Variants in GLIS1 observed in about 807,000 individuals in gnomAD.
GLIS1 encodes zinc finger protein GLIS1.
A neutral mutation model predicts 63.8 loss-of-function variants in GLIS1; 24 were observed. The observed-to-expected ratio is 0.38, with a 90% CI of 0.27 to 0.53. The LOEUF (loss-of-function observed/expected upper bound fraction) is 0.53, where lower values mean the gene tolerates loss of function less well. Among genes scored for constraint, GLIS1 ranks in the 20% least tolerant of loss-of-function variants. The probability of loss-of-function intolerance (pLI) is 0.85; values close to 1 mark genes in which losing one functional copy is unlikely to be tolerated. For missense variants in GLIS1, 1,036 were observed against 1,074.1 expected (o/e 0.96, Z 0.50); for synonymous variants, 450 against 482.5 (o/e 0.93, Z 0.88).
At position 53,560,451 on chromosome 1, in the gene GLIS1, G is replaced by A. The variant is rs1035355504; in HGVS notation, c.1321-30499C>T. ...TTCCACTGGCAGACGGACAGTTCCG[G>A]TCGGGAGATATCTGGTCCACACACG... On this transcript the variant is annotated intron_variant, in intron 4 of 10. Coordinates refer to ENST00000628545, the MANE Select transcript of GLIS1 (RefSeq NM_001367484.1). The surrounding 1 kb of genome is among the most constrained non-coding windows in gnomAD (Gnocchi z 4.4). 3.3e-5 allele frequency among the ~76,000 whole-genome samples: 5 copies of A among 152,194 alleles called. No homozygotes were observed. Among genetic ancestry groups the A allele is most frequent in the Admixed American group, 6.5e-5 (1 of 15,286 alleles).
chr1:53,695,499 AG>A (rs1213049508), intron 2 of GLIS1, among the ~76,000 whole-genome samples: 1 of 152,198 alleles, frequency 6.6e-6, no homozygotes, highest in Non-Finnish European at 1.5e-5. Flanking sequence ...AGCTCCCTGA[AG>A]GCAGGGACCC....
intron 3 of GLIS1, among the ~76,000 whole-genome samples, chr1:53,596,597 G>A (rs1057476727): frequency 6.6e-6 from 1 of 152,156 alleles, no homozygotes; most frequent in African/African-American, 2.4e-5. Flanking sequence ...AGCTCTTATC[G>A]CCATTCACCA....
intron 2 of GLIS1, among the ~76,000 whole-genome samples, chr1:53,607,719 G>A (rs1645384899): frequency 6.6e-6 from 1 of 152,178 alleles, no homozygotes; most frequent in Non-Finnish European, 1.5e-5. Flanking sequence ...GGCTTCCCCA[G>A]TGTACTAGTC....
intron 2 of GLIS1, among the ~76,000 whole-genome samples, chr1:53,660,874 G>A (rs1166773164): frequency 6.6e-6 from 1 of 152,174 alleles, no homozygotes; most frequent in Non-Finnish European, 1.5e-5. Context: ...CACCAGCCGA[G>A]CTGACTCTCC....
At chr1:53,535,230 C>A (rs562396142) in intron 4 of GLIS1, among the ~76,000 whole-genome samples, 3 of 152,004 alleles carry the variant, frequency 2.0e-5, no homozygotes, top group Non-Finnish European at 4.4e-5. Flanking sequence ...TTCACAGAAG[C>A]CACTCCATGC....
At chr1:53,533,734 T>G (rs569083105) in intron 4 of GLIS1, among the ~76,000 whole-genome samples, 1 of 151,032 alleles carries the variant, frequency 6.6e-6, no homozygotes, top group Non-Finnish European at 1.5e-5. Flanking sequence ...TGAGGGCCTA[T>G]GGGATCTGCC....
intron 4 of GLIS1, among the ~76,000 whole-genome samples, chr1:53,569,970 C>T (rs1023323842): frequency 6.6e-6 from 1 of 151,924 alleles, no homozygotes; most frequent in Non-Finnish European, 1.5e-5. Flanking sequence ...AATTAATAAT[C>T]ATATAAAGAG....
At chr1:53,573,094 C>G (rs959250038) in intron 4 of GLIS1, among the ~76,000 whole-genome samples, 1 of 152,150 alleles carries the variant, frequency 6.6e-6, no homozygotes, top group African/African-American at 2.4e-5. Flanking sequence ...AGGGCTGGAA[C>G]TCAAGCTGAA....
chr1:53,685,075 G>C (rs2100439690), intron 2 of GLIS1, among the ~76,000 whole-genome samples: 1 of 152,248 alleles, frequency 6.6e-6, no homozygotes, highest in South Asian at 2.1e-4. Context: ...TTCTGGGAGG[G>C]ACACAGAAGA....
chr1:53,556,939 A>ATG (rs143925059), intron 4 of GLIS1, among the ~76,000 whole-genome samples: 27 of 122,248 alleles, frequency 2.2e-4, no homozygotes, highest in African/African-American at 5.1e-4. Flanking sequence ...TACTGCAGGT[A>ATG]TGTGTGTGTG....
At chr1:53,615,084 C>T (rs944653854) in intron 2 of GLIS1, among the ~76,000 whole-genome samples, 1 of 152,102 alleles carries the variant, frequency 6.6e-6, no homozygotes, top group South Asian at 2.1e-4. Flanking sequence ...TGGGACTAGA[C>T]GGTGGTCCTC....
At chr1:53,720,122 G>C (rs1181055763) in intron 2 of GLIS1, among the ~76,000 whole-genome samples, 1 of 152,226 alleles carries the variant, frequency 6.6e-6, no homozygotes, top group African/African-American at 2.4e-5. Flanking sequence ...GTTGCAATGA[G>C]CCAAGATCGT....
At chr1:53,582,321 C>T (rs1369263764) in intron 4 of GLIS1, among the ~76,000 whole-genome samples, 3 of 152,236 alleles carry the variant, frequency 2.0e-5, no homozygotes, top group Non-Finnish European at 4.4e-5. Flanking sequence ...TCAGTCATCA[C>T]ACCTTCCCAA....
chr1:53,532,344 GAGAGACACA>G (rs1220379731), intron 4 of GLIS1, among the ~76,000 whole-genome samples: 5 of 152,150 alleles, frequency 3.3e-5, no homozygotes, highest in Non-Finnish European at 7.4e-5. Context: ...AGACAGATAT[GAGAGACACA>G]AGAGACACGA....
chr1:53,718,857 C>T (rs969304308), intron 2 of GLIS1, among the ~76,000 whole-genome samples: 2 of 152,202 alleles, frequency 1.3e-5, no homozygotes, highest in Non-Finnish European at 2.9e-5. Flanking sequence ...TCAAGTCTGA[C>T]TTTTCTGTAT....
intron 10 of GLIS1, 23 bp from the exon 11 acceptor site, chr1:53,506,799 C>T: frequency 6.2e-7 from 1 of 1,601,902 alleles, no homozygotes; most frequent in South Asian, 1.1e-5. Context: ...GGGAAAGGGT[C>T]AGCGCTGGAG....
rs1236868556 is a variant in GLIS1, at chr1:53,646,315, G to T, written c.260-46037C>A. Among the ~76,000 whole-genome samples, 2 of 151,988 alleles carry T rather than the reference G, an allele frequency of 1.3e-5. No individual in the cohort carries two copies. Among genetic ancestry groups the T allele is most frequent in the African/African-American group, 4.8e-5 (2 of 41,390 alleles). On this transcript the variant is annotated intron_variant, in intron 2 of 10. Transcript: ENST00000628545. This position sits in a 1 kb window ranked among gnomAD's most constrained non-coding sequence, Gnocchi z 4.2. ...ACAAGTGATAATCAGAAATCAAAAA[G>T]AATCTAAAAACAAACTAGACCATTA...
intron 2 of GLIS1, among the ~76,000 whole-genome samples, chr1:53,606,812 G>A (rs966553881): frequency 1.3e-5 from 2 of 152,204 alleles, no homozygotes; most frequent in African/African-American, 2.4e-5. Context: ...GGCTTCTGCC[G>A]CCCACCACCT....
chr1:53,521,022 G>C (rs1644402975), intron 6 of GLIS1, among the ~76,000 whole-genome samples: 2 of 152,228 alleles, frequency 1.3e-5, no homozygotes, highest in South Asian at 4.1e-4. Flanking sequence ...TGCCATCTGT[G>C]AACTAGATGG....
Sources: allele counts gnomAD v4.1 joint callset (sites outside exome capture counted in the v4.1 genomes callset), GRCh38; gene constraint gnomAD v4.1.1; non-coding constraint Gnocchi (gnomAD v3.1); transcripts MANE v1.5; gene names NCBI Gene and HGNC (gene_info 2026-07-23, HGNC 2026-07-21).